Variants in PTPRK observed in about 807,000 individuals in gnomAD.
PTPRK encodes receptor-type tyrosine-protein phosphatase kappa.
PTPRK carries 75 observed loss-of-function variants against 178.0 expected under a neutral mutation model. The ratio of observed to expected loss-of-function variants is 0.42; its 90% CI spans 0.35 to 0.51. The LOEUF (loss-of-function observed/expected upper bound fraction) is 0.51. PTPRK is among the 20% of genes least tolerant of loss of function. PTPRK has a pLI of 0.02. For missense variants in PTPRK, 1,441 were observed against 1,797.8 expected (o/e 0.80, Z 3.59); for synonymous variants, 637 against 620.6 (o/e 1.03, Z -0.39).
chr6:128,132,261 G>A (rs1028744434), intron 7 of PTPRK, among the ~76,000 whole-genome samples: 3 of 152,132 alleles, frequency 2.0e-5, no homozygotes, highest in Non-Finnish European at 2.9e-5. Context: ...TGCAAACTCC[G>A]CCTGCCGGGT....
intron 1 of PTPRK, among the ~76,000 whole-genome samples, chr6:128,474,780 T>C (rs530540366): frequency 6.6e-6 from 1 of 152,212 alleles, no homozygotes; most frequent in East Asian, 1.9e-4. Flanking sequence ...AAGGAAAAGA[T>C]CATGTATGGG....
chr6:128,210,781 G>C (rs545862193), intron 6 of PTPRK, among the ~76,000 whole-genome samples: 1 of 152,180 alleles, frequency 6.6e-6, no homozygotes, highest in South Asian at 2.1e-4. Flanking sequence ...ATCTCCATAT[G>C]TATAAAAAAG....
chr6:128,207,511 ATATT>A (rs1302219932), intron 6 of PTPRK, among the ~76,000 whole-genome samples: 4 of 152,194 alleles, frequency 2.6e-5, no homozygotes, highest in African/African-American at 9.6e-5. Context: ...TTCTATTTGA[ATATT>A]TATCTATAAA....
At chr6:128,170,350 A>G (rs567411939) in intron 7 of PTPRK, among the ~76,000 whole-genome samples, 1 of 152,038 alleles carries the variant, frequency 6.6e-6, no homozygotes, top group Non-Finnish European at 1.5e-5. Flanking sequence ...GTCTATTTCT[A>G]TGTTTTTACT....
intron 7 of PTPRK, among the ~76,000 whole-genome samples, chr6:128,112,098 A>T (rs1485739071): frequency 6.6e-6 from 1 of 152,142 alleles, no homozygotes; most frequent in Admixed American, 6.6e-5. Context: ...TTGATAAGAC[A>T]GAGAGCTGGT....
intron 13 of PTPRK, among the ~76,000 whole-genome samples, chr6:128,050,639 C>G (rs1778844833): frequency 6.6e-6 from 1 of 152,158 alleles, no homozygotes. Context: ...TCTTTATTCT[C>G]TTTATGTGCT....
chr6:128,072,458 AT>A (rs1215675268), intron 11 of PTPRK, among the ~76,000 whole-genome samples: 1 of 151,986 alleles, frequency 6.6e-6, no homozygotes, highest in Non-Finnish European at 1.5e-5. Context: ...AAATCAGCTA[AT>A]ACAAAACCTG....
At chr6:128,021,264 G>A (rs1247056188) in intron 13 of PTPRK, among the ~76,000 whole-genome samples, 1 of 152,118 alleles carries the variant, frequency 6.6e-6, no homozygotes, top group Admixed American at 6.5e-5. Context: ...GTGGGCTATA[G>A]ATTGTCCAAT....
chr6:128,219,375 TC>T (rs1809981970), intron 5 of PTPRK, among the ~76,000 whole-genome samples: 1 of 152,210 alleles, frequency 6.6e-6, no homozygotes, highest in African/African-American at 2.4e-5. Context: ...CCTCAAATCA[TC>T]AGGCATTAGA....
chr6:128,134,263 TATCTC>T (rs1465225537), intron 7 of PTPRK, among the ~76,000 whole-genome samples: 1 of 152,230 alleles, frequency 6.6e-6, no homozygotes, highest in African/African-American at 2.4e-5. Context: ...TGGTCTGTCT[TATCTC>T]TTGTCTCAGA....
At chr6:127,976,291 A>AT (rs5879869) in intron 27 of PTPRK, among the ~76,000 whole-genome samples, 5 of 151,752 alleles carry the variant, frequency 3.3e-5, no homozygotes, top group South Asian at 2.1e-4. Context: ...CAATGTTCTT[A>AT]TTTTTTTTAT....
At chr6:128,346,315 G>T (rs1165077650) in intron 2 of PTPRK, among the ~76,000 whole-genome samples, 1 of 152,012 alleles carries the variant, frequency 6.6e-6, no homozygotes, top group African/African-American at 2.4e-5. Context: ...TAAATTTAAA[G>T]AAGGAAACAG....
intron 13 of PTPRK, among the ~76,000 whole-genome samples, chr6:128,019,702 G>A (rs1773180075): frequency 6.6e-6 from 1 of 152,134 alleles, no homozygotes; most frequent in Non-Finnish European, 1.5e-5. Context: ...ACAAAACAGA[G>A]AATATCTCCA....
At position 128,183,998 on chromosome 6, in the gene PTPRK, T is replaced by G. The variant is rs893279110; in HGVS notation, c.1162+434A>C. On this transcript the variant is annotated intron_variant, in intron 7 of 29. Transcript: ENST00000368226. ...TCAACGAGGCATTGTCCAGAGTAAC[T>G]TTTCTTATCCATATTATAAGATGTG... Among the ~76,000 whole-genome samples, 3 of 152,304 alleles carry G rather than the reference T, an allele frequency of 2.0e-5. No individual in the cohort carries two copies. In the South Asian group the frequency reaches 6.2e-4, roughly 32 times the overall value.
intron 1 of PTPRK, among the ~76,000 whole-genome samples, chr6:128,427,646 A>C (rs1160750525): frequency 6.6e-6 from 1 of 152,238 alleles, no homozygotes; most frequent in African/African-American, 2.4e-5. Context: ...TGAATCTATT[A>C]CTTCTGTATT....
chr6:128,369,543 T>C (rs1835981446), intron 2 of PTPRK, among the ~76,000 whole-genome samples: 1 of 152,230 alleles, frequency 6.6e-6, no homozygotes, highest in African/African-American at 2.4e-5. Context: ...CAAAAGAATA[T>C]TTAAAGAAAT....
intron 7 of PTPRK, among the ~76,000 whole-genome samples, chr6:128,118,220 A>G (rs954000587): frequency 6.6e-6 from 1 of 152,218 alleles, no homozygotes; most frequent in African/African-American, 2.4e-5. Flanking sequence ...AGGGATCTAT[A>G]GCATGATTTG....
At chr6:128,496,362 G>A (rs538622499) in intron 1 of PTPRK, among the ~76,000 whole-genome samples, 5 of 152,238 alleles carry the variant, frequency 3.3e-5, no homozygotes, top group African/African-American at 1.2e-4. Context: ...AGAGAATAGA[G>A]AATAATAATT....
At chr6:128,272,732 G>A in intron 3 of PTPRK, among the ~76,000 whole-genome samples, 1 of 152,186 alleles carries the variant, frequency 6.6e-6, no homozygotes, top group East Asian at 1.9e-4. Context: ...AGGATGTAGA[G>A]AAATAGGAAT....
Sources: gnomAD v4.1 joint callset for allele counts (sites outside exome capture counted in the v4.1 genomes callset) on GRCh38, gnomAD v4.1.1 for gene constraint, MANE v1.5 for transcripts, NCBI Gene and HGNC (gene_info 2026-07-23, HGNC 2026-07-21) for gene names.